Variants in PRR32 observed in about 807,000 individuals in gnomAD.
PRR32 encodes proline-rich protein 32.
In PRR32, 2 loss-of-function variants were observed where a neutral mutation model predicts 1.3. The observed-to-expected ratio is 1.49, with a 90% CI of 0.61 to 4.68. PRR32 has a LOEUF of 4.68. Among genes scored for constraint, PRR32 ranks in the 30% most tolerant of loss-of-function variants. The probability of loss-of-function intolerance (pLI) is 0.06; values close to 1 mark genes in which losing one functional copy is unlikely to be tolerated. For missense variants in PRR32, 241 were observed against 232.5 expected (o/e 1.04, Z -0.24); for synonymous variants, 107 against 88.7 (o/e 1.21, Z -1.16).
Position 126,821,226 on chromosome X carries a change from G to A in PRR32, c.588G>A (p.Pro196=), listed in dbSNP as rs751756183. 4.4e-5 allele frequency: 51 copies of A among 1,166,132 alleles called. No individual in the cohort carries two copies. Among genetic ancestry groups the A allele is most frequent in the East Asian group, 9.8e-5 (3 of 30,624 alleles). Residue 196 remains proline, a synonymous_variant, in exon 2 of 2, where the codon CCG becomes CCA. Coordinates refer to ENST00000371125, the MANE Select transcript of PRR32 (RefSeq NM_001122716.2). ...GATCAGGGATAGTAATGGAGGTGCC[G>A]CCCGGAAATACACGAATAGCCTGCA... is the stretch of plus-strand genomic sequence containing the variant. The part of the protein sequence containing the change: ...TLRSGIVMEV[P]PGNTRIACRG...
At chrX:126,820,255 T>C (rs994986647) in intron 1 of PRR32, among the ~76,000 whole-genome samples, 3 of 108,255 alleles carry the variant, frequency 2.8e-5, no homozygotes, top group Non-Finnish European at 5.8e-5. Flanking sequence ...GAAAAAGATA[T>C]TTTACTTCGG....
Position 126,821,137 on chromosome X carries a change from G to A in PRR32, c.499G>A (p.Gly167Ser). Residue 167 changes from glycine to serine, a missense_variant, in exon 2 of 2, where the codon GGT becomes AGT. Gly to Ser is a moderately conservative substitution (Grantham distance 56, BLOSUM62 0). Coordinates refer to ENST00000371125, the MANE Select transcript of PRR32 (RefSeq NM_001122716.2). The stretch of plus-strand genomic sequence containing the variant: ...AAGGTTGCATGTAGCTTTGCCACAA[G>A]GTAAAGGGTTCTTTCCACCCAGGGG... ...NARLHVALPQ[G>S]KGFFPPRGPQ... is the part of the protein sequence containing the mutation. 2 of 1,167,848 alleles carry A rather than the reference G, an allele frequency of 1.7e-6. No homozygotes were observed. The highest frequency in any genetic ancestry group is 2.3e-6 in the Non-Finnish European group (2 of 872,991).
chrX:126,821,494 G>T lies in PRR32; in HGVS notation c.856G>T (p.Gly286Ter), dbSNP rs778219610. 75 of 1,165,886 alleles carry T rather than the reference G, an allele frequency of 6.4e-5. No individual in the cohort carries two copies. The African/African-American group carries it at 1.2e-3, about 19-fold the overall frequency. Reference sequence around the variant, plus strand: ...TTATTTTGCCCATTTCCATTCTGGGGGAATGCCAGCTCCTGCATCACCCAA... The same window carrying T: ...TTATTTTGCCCATTTCCATTCTGGGTGAATGCCAGCTCCTGCATCACCCAA... Reference protein sequence around the residue: ...PSYFAHFHSGGMPAPASPNRE... With the variant: ...PSYFAHFHSG Residue 286 changes from glycine to a stop codon, truncating the protein, a stop_gained, in exon 2 of 2, where the codon GGA (glycine) becomes TGA (stop). Coordinates refer to ENST00000371125, the MANE Select transcript of PRR32 (RefSeq NM_001122716.2). LOFTEE classifies it low-confidence loss of function (END_TRUNC).
intron 1 of PRR32, 27 bp downstream of exon 1, chrX:126,819,890 T>G (rs779099313): frequency 1.7e-6 from 2 of 1,156,244 alleles, no homozygotes; most frequent in East Asian, 6.6e-5. Flanking sequence ...GTACAACTGT[T>G]TAATTTTGAA....
intron 1 of PRR32, among the ~76,000 whole-genome samples, 185 bp downstream of exon 1, chrX:126,820,048 T>C (rs1207966261): frequency 9.2e-6 from 1 of 109,239 alleles, no homozygotes; most frequent in Admixed American, 1.1e-4. Context: ...AACTTTGAAG[T>C]GTAATTTTGA....
rs1208249030 is a variant in PRR32, at chrX:126,821,444, C to T, written c.806C>T (p.Pro269Leu). 37 of 1,166,550 alleles carry T rather than the reference C, an allele frequency of 3.2e-5. No individual in the cohort carries two copies. The East Asian group carries it at 6.8e-4, about 22-fold the overall frequency. The change falls in exon 2 of 2, where the codon CCG (proline) becomes CTG (leucine). Residue 269 changes from proline (P) to leucine (L), a missense_variant. Coordinates refer to ENST00000371125, the MANE Select transcript of PRR32 (RefSeq NM_001122716.2). Reference sequence around the variant, plus strand: ...ATGCCTCTTCCTTTTGCTCCTCCTCCGATATTTGGTCCTCCACTGCCTTCT... The same window carrying T: ...ATGCCTCTTCCTTTTGCTCCTCCTCTGATATTTGGTCCTCCACTGCCTTCT... ...LTMPLPFAPP[P>L]IFGPPLPSYF... is the part of the protein sequence containing the mutation.
At chrX:126,820,543 G>C (rs1930537101) in intron 1 of PRR32, 116 bp from the exon 2 acceptor site, 3 of 933,240 alleles carry the variant, frequency 3.2e-6, no homozygotes, top group Non-Finnish European at 4.3e-6. Flanking sequence ...ATAGGGGAGA[G>C]GGCACTCCTT....
chrX:126,820,868 C>T lies in PRR32; in HGVS notation c.230C>T (p.Thr77Ile). 1 of 1,167,649 alleles carries T rather than the reference C, an allele frequency of 8.6e-7. No individual in the cohort carries two copies. Among genetic ancestry groups the T allele is most frequent in the African/African-American group, 1.8e-5 (1 of 56,285 alleles). Reference protein sequence around the residue: ...SKQLEWPSERTGSCIPLHSLR... With the variant: ...SKQLEWPSERIGSCIPLHSLR... ...CAACTGGAGTGGCCCTCTGAAAGAA[C>T]AGGATCCTGCATTCCTCTTCATAGC... The change falls in exon 2 of 2, where the codon ACA (threonine) becomes ATA (isoleucine). Residue 77 changes from threonine to isoleucine, a missense_variant. Transcript: ENST00000371125.
chrX:126,820,981 C>G lies in PRR32; in HGVS notation c.343C>G (p.Leu115Val), dbSNP rs12835991. The G allele has an allele frequency of 0.088, 102,160 of 1,162,732 alleles. 3,195 individuals carry two copies. Among genetic ancestry groups the G allele is most frequent in the Middle Eastern group, 0.11 (484 of 4,265 alleles). ...AGCAGAAGTAAACAGCTCTGATGCA[C>G]TGGCAGGCTGGAGGCAGGAGGGACA... ...ATAEVNSSDA[L>V]AGWRQEGQDA... Residue 115 changes from leucine (L) to valine (V), a missense_variant, in exon 2 of 2, where the codon CTG (leucine) becomes GTG (valine). Coordinates refer to ENST00000371125, the MANE Select transcript of PRR32 (RefSeq NM_001122716.2).
Position 126,821,703 on chromosome X carries a change from T to C in PRR32, c.*168T>C. 1 of 610,648 alleles carries C rather than the reference T, an allele frequency of 1.6e-6. No individual in the cohort carries two copies. Among genetic ancestry groups the C allele is most frequent in the Non-Finnish European group, 2.5e-6 (1 of 407,747 alleles). The allele number at this position is 610,648 out of a possible 1,213,427, so 50.3% of individuals were successfully genotyped here. On this transcript the variant is annotated 3_prime_UTR_variant, in exon 2 of 2. Transcript: ENST00000371125. Reference sequence around the variant, plus strand: ...CTGTTTAGCACTAATGTGCCCTATTTGAAACCTTGTACCCTACCACACTCT... The same window carrying C: ...CTGTTTAGCACTAATGTGCCCTATTCGAAACCTTGTACCCTACCACACTCT...
Position 126,821,038 on chromosome X carries a change from G to T in PRR32, c.400G>T (p.Gly134Cys). Residue 134 changes from glycine to cysteine, a missense_variant, in exon 2 of 2, where the codon GGC becomes TGC. Gly to Cys is a radical substitution (Grantham distance 159). Coordinates refer to ENST00000371125, the MANE Select transcript of PRR32 (RefSeq NM_001122716.2). ...DAINVSWEVSGGPPALIVGGT... is the reference protein window; with the variant it reads ...DAINVSWEVSCGPPALIVGGT... The stretch of plus-strand genomic sequence containing the variant: ...TATTAATGTGTCCTGGGAAGTCTCT[G>T]GCGGCCCTCCTGCACTGATAGTAGG... 8.6e-7 allele frequency: 1 copy of T among 1,165,371 alleles called. No individual in the cohort carries two copies.
At chrX:126,820,609 G>C (rs1429982197) in intron 1 of PRR32, 50 bp from the exon 2 acceptor site, 3 of 1,123,297 alleles carry the variant, frequency 2.7e-6, no homozygotes, top group Non-Finnish European at 3.5e-6. Flanking sequence ...GCTATTTTCT[G>C]GTCAGTGCAT....
chrX:126,821,440 C>T lies in PRR32; in HGVS notation c.802C>T (p.Pro268Ser). The change falls in exon 2 of 2, where the codon CCT becomes TCT. Residue 268 changes from proline to serine, a missense_variant. By Grantham distance (74) the Pro-to-Ser change is moderately conservative (BLOSUM62 -1). Transcript: ENST00000371125. ...CACTATGCCTCTTCCTTTTGCTCCTCCTCCGATATTTGGTCCTCCACTGCC... is the reference window on the plus strand; with the variant it reads ...CACTATGCCTCTTCCTTTTGCTCCTTCTCCGATATTTGGTCCTCCACTGCC... ...FLTMPLPFAP[P>S]PIFGPPLPSY... The T allele has an allele frequency of 2.6e-6, 3 of 1,168,352 alleles. No homozygotes were observed. Among genetic ancestry groups the T allele is most frequent in the Non-Finnish European group, 1.1e-6 (1 of 873,172 alleles).
rs944056373 is a variant in PRR32, at chrX:126,821,667, C to A, written c.*132C>A. The A allele has an allele frequency of 1.4e-4, 119 of 832,811 alleles. No homozygotes were observed. Among genetic ancestry groups the A allele is most frequent in the Non-Finnish European group, 1.8e-4 (111 of 606,638 alleles). 68.6% of individuals were successfully genotyped at this position (832,811 alleles called of 1,213,427 possible). On this transcript the variant is annotated 3_prime_UTR_variant, in exon 2 of 2. Coordinates refer to ENST00000371125, the MANE Select transcript of PRR32 (RefSeq NM_001122716.2). The stretch of plus-strand genomic sequence containing the variant: ...ATGTGCCCTACTTGAAACCACGTAC[C>A]CTCCCACACTCTGTTTAGCACTAAT...
rs1226965926 is a variant in PRR32 at position 126,821,304 on chromosome X, G to T, written c.666G>T (p.Met222Ile). Residue 222 changes from methionine (M) to isoleucine (I), a missense_variant, in exon 2 of 2, where the codon ATG (methionine) becomes ATT (isoleucine). Met to Ile is a conservative substitution (Grantham distance 10). Transcript: ENST00000371125. The stretch of plus-strand genomic sequence containing the variant: ...CACTCAGGGGCCCATGCCACCCCAT[G>T]CATAATTGGCCAAGGCCTATCCCGT... ...SFPLRGPCHPMHNWPRPIPLS... is the reference protein window; with the variant it reads ...SFPLRGPCHPIHNWPRPIPLS... 1 of 1,168,488 alleles carries T rather than the reference G, an allele frequency of 8.6e-7. No individual in the cohort carries two copies.
Position 126,820,682 on chromosome X carries a change from C to A in PRR32, c.44C>A (p.Pro15His). ...AGCCTTGGAGGGCACGCCCCTTCAC[C>A]CTTGGTAGTATCTGTGGACAAAAAT... Reference protein sequence around the residue: ...ENVLGGHAPSPLVVSVDKNGN... With the variant: ...ENVLGGHAPSHLVVSVDKNGN... The change falls in exon 2 of 2, where the codon CCC becomes CAC. Residue 15 changes from proline to histidine, a missense_variant. Transcript: ENST00000371125. 1 of 1,167,651 alleles carries A rather than the reference C, an allele frequency of 8.6e-7. No individual in the cohort carries two copies. The highest frequency in any genetic ancestry group is 1.1e-6 in the Non-Finnish European group (1 of 872,882).
At chrX:126,820,000 T>C (rs946772587) in intron 1 of PRR32, 137 bp downstream of exon 1, 4 of 561,362 alleles carry the variant, frequency 7.1e-6, no homozygotes, top group African/African-American at 4.7e-5. Flanking sequence ...TTGAAGGACA[T>C]AAATTTAGTT....
In PRR32 at chrX:126,820,728, C is replaced by T. The variant is rs753917312; in HGVS notation, c.90C>T (p.His30=). Reference sequence around the variant, plus strand: ...AAAATGGGAACCAGGAGCTGCACCACGACATGCCCCTGCAATGTCTGAGTT... The same window carrying T: ...AAAATGGGAACCAGGAGCTGCACCATGACATGCCCCTGCAATGTCTGAGTT... The part of the protein sequence containing the change: ...VDKNGNQELH[H]DMPLQCLSSK... Residue 30 remains histidine (H), a synonymous_variant, in exon 2 of 2, where the codon CAC becomes CAT. Transcript: ENST00000371125. 1.3e-5 allele frequency: 15 copies of T among 1,167,891 alleles called. No individual in the cohort carries two copies. The South Asian group carries it at 2.1e-4, about 16-fold the overall frequency.
chrX:126,820,631 T>C, intron 1 of PRR32, 28 bp from the exon 2 acceptor site: 12 of 1,150,365 alleles, frequency 1.0e-5, no homozygotes, highest in Non-Finnish European at 1.4e-5. Flanking sequence ...TCCATTTTTA[T>C]TAGCTGTTTG....
Sources: gnomAD v4.1 joint callset for allele counts (sites outside exome capture counted in the v4.1 genomes callset) on GRCh38, gnomAD v4.1.1 for gene constraint, MANE v1.5 for transcripts, NCBI Gene and HGNC (gene_info 2026-07-23, HGNC 2026-07-21) for gene names.